Variants in ZNF362 observed in about 807,000 individuals in gnomAD.
The protein encoded by ZNF362 is rotund homolog.
Under a neutral mutation model 42.9 loss-of-function variants are expected in ZNF362, and 11 were observed. The ratio of observed to expected loss-of-function variants is 0.26; its 90% CI spans 0.16 to 0.42. The LOEUF (loss-of-function observed/expected upper bound fraction) is 0.42. Among genes scored for constraint, ZNF362 ranks in the 20% least tolerant of loss-of-function variants. ZNF362 has a pLI of 1.00. For missense variants in ZNF362, 362 were observed against 576.2 expected (o/e 0.63, Z 3.81); for synonymous variants, 255 against 257.3 (o/e 0.99, Z 0.09).
chr1:33,162,665 C>A, the ZNF362 span, among the ~76,000 whole-genome samples: 11 of 152,148 alleles, frequency 7.2e-5, no homozygotes, highest in Non-Finnish European at 1.6e-4. Flanking sequence ...GTTTCAATGT[C>A]TCAAGGACGA....
chr1:33,146,250 G>A, the ZNF362 span: 1 of 213,354 alleles, frequency 4.7e-6, no homozygotes, highest in Non-Finnish European at 9.5e-6. Flanking sequence ...TCTGCAGCAG[G>A]ATCCTAACTG....
chr1:33,151,356 C>A, the ZNF362 span, among the ~76,000 whole-genome samples: 2 of 152,072 alleles, frequency 1.3e-5, no homozygotes, highest in Non-Finnish European at 2.9e-5. Context: ...GACTTCTATA[C>A]CCCAAGGGGT....
upstream of ZNF362, among the ~76,000 whole-genome samples, chr1:33,252,389 A>G (rs546735234): frequency 3.5e-5 from 3 of 85,910 alleles, no homozygotes; most frequent in African/African-American, 9.3e-5. Flanking sequence ...AACAACAACC[A>G]GAAAAACCAT....
chr1:33,222,725 A>C, the ZNF362 span, among the ~76,000 whole-genome samples: 4 of 152,132 alleles, frequency 2.6e-5, no homozygotes, highest in African/African-American at 9.7e-5. Context: ...ACATCTTCAC[A>C]TGGCTGTTTC....
the ZNF362 span, among the ~76,000 whole-genome samples, chr1:33,177,071 A>ACACATG: frequency 9.0e-5 from 1 of 11,114 alleles, no homozygotes; most frequent in Non-Finnish European, 2.4e-4. The surrounding 1 kb of genome is among the most constrained non-coding windows in gnomAD (Gnocchi z 4.1). Context: ...ACACATGCAC[A>ACACATG]CACACACATG....
chr1:33,285,855 G>A (rs542882236), intron 6 of ZNF362, among the ~76,000 whole-genome samples: 5 of 152,186 alleles, frequency 3.3e-5, no homozygotes, highest in Non-Finnish European at 5.9e-5. Context: ...TTGAGGTCAG[G>A]AGTTTGAGAC....
At chr1:33,247,696 G>A in the ZNF362 span, among the ~76,000 whole-genome samples, 8 of 152,186 alleles carry the variant, frequency 5.3e-5, no homozygotes, top group African/African-American at 1.9e-4. Context: ...GCAGTCCCCG[G>A]GCCAGTCTTG....
intron 4 of ZNF362, among the ~76,000 whole-genome samples, chr1:33,277,989 C>G (rs1174763410): frequency 6.6e-6 from 1 of 152,190 alleles, no homozygotes; most frequent in Non-Finnish European, 1.5e-5. Flanking sequence ...CCTGCATTTT[C>G]CCAGAGTGAC....
chr1:33,205,828 A>G, the ZNF362 span, among the ~76,000 whole-genome samples: 1 of 152,116 alleles, frequency 6.6e-6, no homozygotes, highest in Non-Finnish European at 1.5e-5. Context: ...AAGCAGGAGA[A>G]TCATTTGAAC....
At chr1:33,256,333 C>A (rs1417039922), upstream of ZNF362, among the ~76,000 whole-genome samples, 3 of 143,748 alleles carry the variant, frequency 2.1e-5, no homozygotes, top group Non-Finnish European at 3.1e-5. Flanking sequence ...CCCCCGGGGC[C>A]GGACGGGCTG....
the ZNF362 span, chr1:33,181,084 G>C: frequency 4.4e-6 from 7 of 1,599,632 alleles, no homozygotes; most frequent in Non-Finnish European, 5.1e-6. This position sits in a 1 kb window ranked among gnomAD's most constrained non-coding sequence, Gnocchi z 6.5. Context: ...TGCAGTGCAG[G>C]CTCGTCGCAG....
At chr1:33,128,815 G>GA in the ZNF362 span, among the ~76,000 whole-genome samples, 3 of 152,150 alleles carry the variant, frequency 2.0e-5, no homozygotes, top group Non-Finnish European at 1.5e-5. Context: ...CCTACTTATG[G>GA]AAAAATCAGT....
the ZNF362 span, among the ~76,000 whole-genome samples, chr1:33,138,640 A>AAAAAG: frequency 1.9e-4 from 29 of 149,456 alleles, no homozygotes; most frequent in South Asian, 8.5e-4. Context: ...AAAAAAAAAA[A>AAAAAG]AAAAAGAAAA....
the ZNF362 span, among the ~76,000 whole-genome samples, chr1:33,144,199 C>T: frequency 1.3e-5 from 2 of 150,828 alleles, no homozygotes; most frequent in Admixed American, 6.6e-5. Context: ...TGCAATGGCG[C>T]GATCTCCAGC....
intron 6 of ZNF362, among the ~76,000 whole-genome samples, chr1:33,287,466 A>T (rs1646041029): frequency 6.6e-6 from 1 of 152,234 alleles, no homozygotes; most frequent in South Asian, 2.1e-4. Flanking sequence ...AGCCTGGGTG[A>T]CAGAGATCCT....
At chr1:33,158,212 A>G in the ZNF362 span, 8 of 1,581,348 alleles carry the variant, frequency 5.1e-6, no homozygotes, top group South Asian at 5.5e-5. Context: ...GTGCTGGGAC[A>G]TGCCCCACCT....
the ZNF362 span, among the ~76,000 whole-genome samples, chr1:33,187,809 G>A: frequency 5.9e-5 from 9 of 152,180 alleles, no homozygotes; most frequent in Non-Finnish European, 1.0e-4. Flanking sequence ...GCAATAGAAA[G>A]CATAAATTTG....
At chr1:33,169,320 C>T in the ZNF362 span, among the ~76,000 whole-genome samples, 5 of 152,302 alleles carry the variant, frequency 3.3e-5, no homozygotes, top group African/African-American at 1.2e-4. Context: ...ATCCTTGATT[C>T]CTACCGCCTC....
chr1:33,285,362 C>T (rs1412210097), intron 6 of ZNF362, among the ~76,000 whole-genome samples: 5 of 152,040 alleles, frequency 3.3e-5, no homozygotes, highest in Non-Finnish European at 7.4e-5. Flanking sequence ...TGCAGTGAGC[C>T]GAGATCATGC....
Sources: allele counts gnomAD v4.1 joint callset (sites outside exome capture counted in the v4.1 genomes callset), GRCh38; gene constraint gnomAD v4.1.1; non-coding constraint Gnocchi (gnomAD v3.1); transcripts MANE v1.5; gene names NCBI Gene and HGNC (gene_info 2026-07-23, HGNC 2026-07-21).